The following NRG4 variants were observed in gnomAD, a reference collection of about 807,000 sequenced individuals.
NRG4 encodes neuregulin 4, also known as pro-neuregulin-4, membrane-bound isoform.
NRG4 carries 10 observed loss-of-function variants against 15.0 expected under a neutral mutation model. The ratio of observed to expected loss-of-function variants is 0.67; its 90% CI spans 0.41 to 1.13. The LOEUF is 1.13. Among genes scored for constraint, NRG4 ranks in the 50% most tolerant of loss-of-function variants. The pLI is 0.00. For missense variants in NRG4, 139 were observed against 140.2 expected, an observed-to-expected ratio of 0.99 and a Z score of 0.04; for synonymous variants, 41 against 50.1, an observed-to-expected ratio of 0.82 and a Z score of 0.77.
chr15:76,051,304 CTATT>C (rs879520917), intron 4 of NRG4, among the ~76,000 whole-genome samples: 3 of 150,006 alleles, frequency 2.0e-5, no homozygotes, highest in Admixed American at 2.0e-4. Flanking sequence ...CGCGCCCGGC[CTATT>C]TATTTATTTT....
At position 75,986,926 on chromosome 15, in the gene NRG4, T is replaced by G. The variant is rs991854728; in HGVS notation, c.104+22274A>C. Among the ~76,000 whole-genome samples, 5 of 152,198 alleles carry G rather than the reference T, an allele frequency of 3.3e-5. No individual in the cohort carries two copies. In the South Asian group the frequency reaches 1.0e-3, roughly 32 times the overall value. The stretch of plus-strand genomic sequence containing the variant: ...AATATTAATGTAAAAGATCTCAATC[T>G]AAGTTTAAGAACTATTTATTTTTGA... On this transcript the variant is annotated intron_variant, in intron 3 of 5. Coordinates refer to ENST00000394907, the MANE Select transcript of NRG4 (RefSeq NM_138573.4).
downstream of NRG4, chr15:75,937,932 G>T (rs1017167828): frequency 6.6e-6 from 1 of 152,188 alleles, no homozygotes; most frequent in Non-Finnish European, 1.5e-5. Context: ...GCCCAGAGGA[G>T]AATCTGGGGT....
intron 2 of NRG4, among the ~76,000 whole-genome samples, chr15:76,056,616 C>T (rs1344905160): frequency 6.6e-6 from 1 of 152,144 alleles, no homozygotes; most frequent in African/African-American, 2.4e-5. Flanking sequence ...TCTACCTGTA[C>T]ATTCCAAATA....
chr15:76,029,303 A>G (rs1000211844), intron 5 of NRG4, among the ~76,000 whole-genome samples: 5 of 152,200 alleles, frequency 3.3e-5, no homozygotes, highest in Admixed American at 3.3e-4. Context: ...AAAATACCTT[A>G]ACAAAATAAA....
At chr15:76,034,847 C>T (rs1360964471) in intron 5 of NRG4, among the ~76,000 whole-genome samples, 1 of 152,294 alleles carries the variant, frequency 6.6e-6, no homozygotes, top group African/African-American at 2.4e-5. Flanking sequence ...CCCACCACCA[C>T]CACTGCGCGT....
chr15:76,058,380 A>C (rs1483994885), intron 1 of NRG4, among the ~76,000 whole-genome samples: 1 of 152,196 alleles, frequency 6.6e-6, no homozygotes, highest in Non-Finnish European at 1.5e-5. Context: ...ATGAGTAGGA[A>C]ATGCTGAAAG....
intron 4 of NRG4, among the ~76,000 whole-genome samples, chr15:76,047,593 A>G (rs1463896695): frequency 6.6e-6 from 1 of 150,756 alleles, no homozygotes; most frequent in Non-Finnish European, 1.5e-5. Flanking sequence ...CAGAGAGTAG[A>G]ATGGTGGTTA....
chr15:75,959,139 A>G, intron 4 of NRG4: 3 of 419,388 alleles, frequency 7.2e-6, no homozygotes, highest in Admixed American at 2.6e-5. Context: ...GTGTTACCAC[A>G]CCTGGATAAT....
rs570779895 is a variant in NRG4 at position 75,996,682 on chromosome 15, T to C, written c.104+12518A>G. On this transcript the variant is annotated intron_variant, in intron 3 of 5. Transcript: ENST00000394907. ...GACTTGCTTAGATCATTCGTCTACATAATGATAGTACTAGATCCCAACATT... is the reference window on the plus strand; with the variant it reads ...GACTTGCTTAGATCATTCGTCTACACAATGATAGTACTAGATCCCAACATT... Among the ~76,000 whole-genome samples the C allele has an allele frequency of 1.4e-4, 22 of 152,318 alleles. 2 individuals carry two copies. In the South Asian group the frequency reaches 4.1e-3, roughly 29 times the overall value.
At chr15:76,039,833 A>C (rs1428389385) in intron 4 of NRG4, among the ~76,000 whole-genome samples, 5 of 152,210 alleles carry the variant, frequency 3.3e-5, no homozygotes, top group African/African-American at 4.8e-5. Flanking sequence ...GGACCATTTG[A>C]GGCCAGGAGT....
intron 4 of NRG4, among the ~76,000 whole-genome samples, chr15:76,044,216 AT>A (rs2035812728): frequency 6.7e-6 from 1 of 149,702 alleles, no homozygotes; most frequent in Non-Finnish European, 1.5e-5. Context: ...GTTAGCCAGG[AT>A]GGTCTCGATC....
intron 4 of NRG4, among the ~76,000 whole-genome samples, chr15:76,047,991 A>G (rs940103608): frequency 1.3e-5 from 2 of 149,250 alleles, no homozygotes; most frequent in African/African-American, 5.0e-5. Flanking sequence ...CCATGTGTCC[A>G]AAAAAAATGT....
intron 5 of NRG4, among the ~76,000 whole-genome samples, chr15:75,947,889 C>T (rs335673): frequency 0.94 from 142,823 of 152,278 alleles, 67,293 homozygotes; most frequent in East Asian, 1. Context: ...TTTTGATCTG[C>T]ATTTCCCCAA....
chr15:76,044,299 G>T (rs2035816277), intron 4 of NRG4, among the ~76,000 whole-genome samples: 1 of 150,666 alleles, frequency 6.6e-6, no homozygotes, highest in South Asian at 2.1e-4. Flanking sequence ...ACCGCGCCCG[G>T]CCACATGAAC....
At chr15:76,027,453 T>C (rs774426988) in intron 5 of NRG4, among the ~76,000 whole-genome samples, 2 of 151,562 alleles carry the variant, frequency 1.3e-5, no homozygotes, top group Non-Finnish European at 2.9e-5. Context: ...AAAGGAAACA[T>C]ATAATCCTCA....
At chr15:75,959,451 GTAAATATATGTAAATAAATATA>G (rs2032410100) in intron 4 of NRG4, among the ~76,000 whole-genome samples, 1 of 151,224 alleles carries the variant, frequency 6.6e-6, no homozygotes, top group Non-Finnish European at 1.5e-5. Context: ...GTCTCTTATT[GTAAATATATGTAAATAAATATA>G]TAAATAAATA....
intron 4 of NRG4, among the ~76,000 whole-genome samples, chr15:76,051,361 G>C (rs1000654751): frequency 2.7e-5 from 4 of 149,800 alleles, no homozygotes; most frequent in African/African-American, 1.0e-4. Flanking sequence ...GGCTGGTCTG[G>C]AACACCTATG....
chr15:76,049,138 T>G (rs1456733468), intron 4 of NRG4, among the ~76,000 whole-genome samples: 1 of 150,722 alleles, frequency 6.6e-6, no homozygotes, highest in Admixed American at 6.6e-5. Context: ...CTAGTTACTT[T>G]TCATATGTGT....
intron 4 of NRG4, among the ~76,000 whole-genome samples, chr15:76,037,259 C>G (rs1222992444): frequency 6.6e-6 from 1 of 152,132 alleles, no homozygotes; most frequent in Non-Finnish European, 1.5e-5. Context: ...GGTGAGCACT[C>G]ACAGCACCTG....
Sources: gnomAD v4.1 joint callset for allele counts (sites outside exome capture counted in the v4.1 genomes callset) on GRCh38, gnomAD v4.1.1 for gene constraint, MANE v1.5 for transcripts, NCBI Gene and HGNC (gene_info 2026-07-23, HGNC 2026-07-21) for gene names.